The following ZMAT5 variants were observed in gnomAD, a reference collection of about 807,000 sequenced individuals.
ZMAT5 encodes the protein zinc finger matrin-type 5.
In ZMAT5, 23 loss-of-function variants were observed where a neutral mutation model predicts 28.0. The observed-to-expected ratio is 0.82, with a 90% CI of 0.59 to 1.16. The LOEUF is 1.16. ZMAT5 is among the 50% of genes most tolerant of loss of function. The pLI, the probability that ZMAT5 is intolerant of heterozygous loss-of-function variation, is 0.00. For synonymous variants in ZMAT5, 76 were observed against 84.1 expected, an observed-to-expected ratio of 0.90 and a Z score of 0.52; for missense variants, 173 against 212.7, an observed-to-expected ratio of 0.81 and a Z score of 1.16.
intron 4 of ZMAT5, 61 bp from the exon 5 acceptor site, chr22:29,738,502 CCT>C (rs2067929688): frequency 4.0e-6 from 6 of 1,494,000 alleles, no homozygotes; most frequent in Non-Finnish European, 5.5e-6. Flanking sequence ...AGAACCCTAC[CCT>C]CTCACAAAGC....
At chr22:29,755,292 CA>C (rs1569339980) in intron 1 of ZMAT5, among the ~76,000 whole-genome samples, 1 of 113,926 alleles carries the variant, frequency 8.8e-6, no homozygotes, top group African/African-American at 3.3e-5. Flanking sequence ...GAGACCTTGT[CA>C]AAAAAGAAGA....
At chr22:29,737,206 G>A (rs1160367441) in intron 5 of ZMAT5, among the ~76,000 whole-genome samples, 1 of 151,982 alleles carries the variant, frequency 6.6e-6, no homozygotes, top group African/African-American at 2.4e-5. Flanking sequence ...GTGGGTGCCT[G>A]TAATCCCAGC....
chr22:29,762,800 C>T (rs1366643058), intron 1 of ZMAT5, among the ~76,000 whole-genome samples: 2 of 152,176 alleles, frequency 1.3e-5, no homozygotes, highest in Non-Finnish European at 2.9e-5. Context: ...GTATCCCGTC[C>T]ATAGAAAAAC....
intron 1 of ZMAT5, among the ~76,000 whole-genome samples, chr22:29,755,482 CAG>C (rs1414014133): frequency 2.6e-5 from 4 of 151,740 alleles, no homozygotes; most frequent in Non-Finnish European, 5.9e-5. Flanking sequence ...TGTGGGGTGG[CAG>C]AGAGGAGAAA....
chr22:29,755,766 G>C (rs1324611553), intron 1 of ZMAT5, among the ~76,000 whole-genome samples: 1 of 152,058 alleles, frequency 6.6e-6, no homozygotes, highest in Admixed American at 6.6e-5. Flanking sequence ...TAACAACCAC[G>C]TCTCATCATC....
chr22:29,759,196 A>C (rs939054622), intron 1 of ZMAT5, among the ~76,000 whole-genome samples: 3 of 152,164 alleles, frequency 2.0e-5, no homozygotes, highest in Admixed American at 2.0e-4. Flanking sequence ...CAAATAGGAA[A>C]GGTAAAAATA....
intron 5 of ZMAT5, 93 bp from the exon 6 acceptor site, chr22:29,731,447 G>C (rs2067843460): frequency 6.8e-7 from 1 of 1,477,896 alleles, no homozygotes; most frequent in Non-Finnish European, 8.9e-7. Context: ...CCCTGGCTGT[G>C]GGGAGGGTCA....
intron 4 of ZMAT5, among the ~76,000 whole-genome samples, chr22:29,739,497 G>A (rs16987976): frequency 0.045 from 6,875 of 152,212 alleles, 543 homozygotes; most frequent in African/African-American, 0.16. Flanking sequence ...CATCACATTC[G>A]ACAGGACACA....
chr22:29,763,404 C>T (rs996678563), intron 1 of ZMAT5, among the ~76,000 whole-genome samples: 5 of 151,376 alleles, frequency 3.3e-5, no homozygotes, highest in South Asian at 2.1e-4. Context: ...AGATTCAAGA[C>T]CAGCCTGACC....
intron 2 of ZMAT5, among the ~76,000 whole-genome samples, chr22:29,742,954 G>A (rs181299331): frequency 1.3e-5 from 2 of 152,096 alleles, no homozygotes; most frequent in Admixed American, 1.3e-4. Context: ...ACCATGCCCA[G>A]CTAATATTTT....
At chr22:29,759,217 G>T (rs1384458113) in intron 1 of ZMAT5, among the ~76,000 whole-genome samples, 3 of 152,158 alleles carry the variant, frequency 2.0e-5, no homozygotes. Context: ...GTCTGAATGA[G>T]GCTCCTGAAC....
intron 5 of ZMAT5, among the ~76,000 whole-genome samples, chr22:29,732,119 A>C (rs1448405378): frequency 6.6e-6 from 1 of 152,130 alleles, no homozygotes; most frequent in Non-Finnish European, 1.5e-5. Flanking sequence ...TGGCCCCCCA[A>C]CCATTCTTCC....
chr22:29,740,626 A>G, intron 4 of ZMAT5, 24 bp downstream of exon 4: 1 of 1,579,036 alleles, frequency 6.3e-7, no homozygotes, highest in Non-Finnish European at 8.6e-7. Context: ...ACTCCCGCTT[A>G]GCCCAGGGCA....
intron 1 of ZMAT5, among the ~76,000 whole-genome samples, chr22:29,756,971 G>A (rs562819276): frequency 2.0e-5 from 3 of 152,106 alleles, no homozygotes; most frequent in African/African-American, 4.8e-5. Context: ...CCTGGGAGGC[G>A]GAGGTTGCAG....
intron 1 of ZMAT5, among the ~76,000 whole-genome samples, chr22:29,751,388 G>A (rs1475820818): frequency 6.6e-6 from 1 of 152,208 alleles, no homozygotes; most frequent in Non-Finnish European, 1.5e-5. Flanking sequence ...TCCTAATGCA[G>A]ATGGTGAAAA....
chr22:29,744,898 C>T (rs2067995786), intron 2 of ZMAT5, among the ~76,000 whole-genome samples: 1 of 152,236 alleles, frequency 6.6e-6, no homozygotes, highest in Admixed American at 6.5e-5. Context: ...GAAGCCCATG[C>T]TCTTGCAGTG....
Position 29,743,075 on chromosome 22 carries a change from T to G in ZMAT5, c.128-595A>C, listed in dbSNP as rs139672836. ...TCCAAAAGTGCTAGGAATACAGGTG[T>G]GAGCCACTGGGCCCAGCCTGGAGGT... On this transcript the variant is annotated intron_variant, in intron 2 of 5. Transcript: ENST00000344318. Among the ~76,000 whole-genome samples the G allele has an allele frequency of 2.2e-4, 33 of 152,290 alleles. No homozygotes were observed. In the East Asian group the frequency reaches 6.2e-3, roughly 29 times the overall value.
chr22:29,734,324 A>G (rs140106), intron 5 of ZMAT5, among the ~76,000 whole-genome samples: 85,179 of 152,068 alleles, frequency 0.56, 24,101 homozygotes, highest in East Asian at 0.62. Context: ...GGCTCACTGG[A>G]GAGGCTCAGC....
rs755707395 is a variant in ZMAT5, at chr22:29,738,395, G to A, written c.318C>T (p.Pro106=). Residue 106 remains proline, a synonymous_variant, in exon 5 of 6, where the codon CCC becomes CCT. Transcript: ENST00000344318. ...REWLLDAPEL[P]EGHLEDWLEK... is the part of the protein sequence containing the mutation. ...CCAGCCAGTCCTCCAGATGGCCCTCGGGGAGCTCAGGAGCATCTAGTAGCC... is the reference window on the plus strand; with the variant it reads ...CCAGCCAGTCCTCCAGATGGCCCTCAGGGAGCTCAGGAGCATCTAGTAGCC... 21 of 1,610,644 alleles carry A rather than the reference G, an allele frequency of 1.3e-5. No homozygotes were observed. The highest frequency in any genetic ancestry group is 1.6e-4 in the Middle Eastern group (1 of 6,084).
Sources: gnomAD v4.1 joint callset for allele counts (sites outside exome capture counted in the v4.1 genomes callset) on GRCh38, gnomAD v4.1.1 for gene constraint, MANE v1.5 for transcripts, NCBI Gene and HGNC (gene_info 2026-07-23, HGNC 2026-07-21) for gene names.